CRISP2: variants seen among roughly 807,000 people sequenced by gnomAD.
CRISP2 encodes cysteine-rich secretory protein 2.
A neutral mutation model predicts 31.7 loss-of-function variants in CRISP2; 29 were observed. That is an observed-to-expected ratio of 0.92 (90% CI 0.68 to 1.25). CRISP2 has a LOEUF of 1.25. Among genes scored for constraint, CRISP2 ranks in the 50% most tolerant of loss-of-function variants. The pLI is 0.00. For missense variants in CRISP2, 318 were observed against 286.5 expected (o/e 1.11, Z -0.79); for synonymous variants, 111 against 101.4 (o/e 1.09, Z -0.57).
At chr6:49,686,019 G>A in the CRISP2 span, among the ~76,000 whole-genome samples, 1 of 152,014 alleles carries the variant, frequency 6.6e-6, no homozygotes, top group Non-Finnish European at 1.5e-5. Flanking sequence ...GTATACTAGT[G>A]TCAATACTTT....
At chr6:49,685,891 A>G in the CRISP2 span, among the ~76,000 whole-genome samples, 1 of 152,112 alleles carries the variant, frequency 6.6e-6, no homozygotes, top group Non-Finnish European at 1.5e-5. Context: ...CATTAATATA[A>G]TTCACAAGCT....
chr6:49,685,341 A>AG, the CRISP2 span, among the ~76,000 whole-genome samples: 30,723 of 152,120 alleles, frequency 0.2, 3,880 homozygotes, highest in Middle Eastern at 0.29. Context: ...CAGTGACTGG[A>AG]GATGTCTATG....
the CRISP2 span, among the ~76,000 whole-genome samples, chr6:49,679,413 A>G: frequency 6.6e-6 from 1 of 152,162 alleles, no homozygotes; most frequent in Non-Finnish European, 1.5e-5. Flanking sequence ...ATGACAAGTT[A>G]TTTAGAAAGC....
intron 6 of CRISP2, 135 bp from the exon 7 acceptor site, chr6:49,698,642 T>TGC (rs990306304): frequency 2.3e-6 from 2 of 868,044 alleles, no homozygotes. Context: ...CATAAAGGAG[T>TGC]GCCTCAGTTC....
chr6:49,711,011 G>A (rs1582154878), intron 3 of CRISP2, among the ~76,000 whole-genome samples: 1 of 152,074 alleles, frequency 6.6e-6, no homozygotes, highest in Admixed American at 6.5e-5. Context: ...TGGGCATGGT[G>A]GCAAGTGCCT....
the CRISP2 span, among the ~76,000 whole-genome samples, chr6:49,678,646 G>A: frequency 6.6e-6 from 1 of 151,892 alleles, no homozygotes. Flanking sequence ...ATTGAAGGAG[G>A]TAAAGAGCAT....
At chr6:49,687,629 T>C (rs1763925206), downstream of CRISP2, among the ~76,000 whole-genome samples, 1 of 152,160 alleles carries the variant, frequency 6.6e-6, no homozygotes, top group Non-Finnish European at 1.5e-5. Context: ...GGAAAATTCA[T>C]AGAGGAGGGG....
intron 6 of CRISP2, among the ~76,000 whole-genome samples, 187 bp from the exon 7 acceptor site, chr6:49,698,694 C>T (rs965457341): frequency 1.3e-5 from 2 of 152,120 alleles, no homozygotes; most frequent in Admixed American, 6.6e-5. Flanking sequence ...AACTGCCTGA[C>T]ACACTGAGGT....
the CRISP2 span, among the ~76,000 whole-genome samples, chr6:49,683,986 A>G: frequency 1.3e-5 from 2 of 151,992 alleles, no homozygotes; most frequent in African/African-American, 2.4e-5. Context: ...GCTTAAAAGT[A>G]TAAGACTTTG....
chr6:49,692,202 T>C (rs544035215), downstream of CRISP2, among the ~76,000 whole-genome samples: 2 of 152,298 alleles, frequency 1.3e-5, no homozygotes, highest in South Asian at 4.1e-4. Flanking sequence ...ATTTTGAAAA[T>C]GTTGCTGTTT....
At chr6:49,682,113 A>T in the CRISP2 span, among the ~76,000 whole-genome samples, 693 of 152,254 alleles carry the variant, frequency 4.6e-3, 4 homozygotes, top group South Asian at 0.016. Flanking sequence ...TGGCATCTAT[A>T]CTATACTATT....
chr6:49,679,486 G>C, the CRISP2 span, among the ~76,000 whole-genome samples: 501 of 152,234 alleles, frequency 3.3e-3, 2 homozygotes, highest in Non-Finnish European at 5.2e-3. Flanking sequence ...AAATGGTTTT[G>C]AGAGGAATTT....
the CRISP2 span, among the ~76,000 whole-genome samples, chr6:49,682,615 C>CTT: frequency 4.4e-5 from 3 of 67,924 alleles, no homozygotes; most frequent in Admixed American, 3.3e-4. Flanking sequence ...TTCTTTCTTT[C>CTT]TTTCTTTCTT....
chr6:49,689,616 A>G (rs2127378794), downstream of CRISP2, among the ~76,000 whole-genome samples: 1 of 152,238 alleles, frequency 6.6e-6, no homozygotes, highest in South Asian at 2.1e-4. Context: ...AATAACAATA[A>G]CGCTTTAATC....
At chr6:49,703,088 T>A (rs1048273609) in intron 4 of CRISP2, among the ~76,000 whole-genome samples, 5 of 152,128 alleles carry the variant, frequency 3.3e-5, no homozygotes, top group African/African-American at 1.2e-4. Context: ...CTTTTCCCAC[T>A]TTATGTTTTT....
downstream of CRISP2, among the ~76,000 whole-genome samples, chr6:49,689,614 T>C (rs538277479): frequency 2.0e-5 from 3 of 152,206 alleles, no homozygotes; most frequent in African/African-American, 7.2e-5. Flanking sequence ...ATAATAACAA[T>C]AACGCTTTAA....
At chr6:49,681,454 C>T in the CRISP2 span, among the ~76,000 whole-genome samples, 2 of 151,808 alleles carry the variant, frequency 1.3e-5, no homozygotes, top group African/African-American at 4.8e-5. Context: ...ATTAAGATAT[C>T]CATAATAATA....
At chr6:49,696,587 TAAA>T (rs199584784) in intron 8 of CRISP2, among the ~76,000 whole-genome samples, 3 of 98,278 alleles carry the variant, frequency 3.1e-5, no homozygotes, top group Admixed American at 9.5e-5. Context: ...GAACTTAAAG[TAAA>T]AAAAAAAAAA....
At chr6:49,698,283 A>C (rs1166798057) in intron 7 of CRISP2, 79 bp downstream of exon 7, 2 of 1,488,532 alleles carry the variant, frequency 1.3e-6, no homozygotes, top group Non-Finnish European at 1.9e-6. Context: ...TAAATTGAAC[A>C]TTACAGTGGT....
Sources: gnomAD v4.1 joint callset for allele counts (sites outside exome capture counted in the v4.1 genomes callset) on GRCh38, gnomAD v4.1.1 for gene constraint, MANE v1.5 for transcripts, NCBI Gene and HGNC (gene_info 2026-07-23, HGNC 2026-07-21) for gene names.